KDELR1: variants seen among roughly 807,000 people sequenced by gnomAD.
The protein encoded by KDELR1 is ER lumen protein-retaining receptor 1.
A neutral mutation model predicts 25.5 loss-of-function variants in KDELR1; 16 were observed. The observed-to-expected ratio is 0.63, with a 90% CI of 0.43 to 0.95. The LOEUF (loss-of-function observed/expected upper bound fraction) is 0.95, where lower values mean the gene tolerates loss of function less well. Among genes scored for constraint, KDELR1 ranks in the 40% least tolerant of loss-of-function variants. The pLI is 0.00. For missense variants in KDELR1, 159 were observed against 265.2 expected, an observed-to-expected ratio of 0.60 and a Z score of 2.78; for synonymous variants, 121 against 115.0, an observed-to-expected ratio of 1.05 and a Z score of -0.33.
chr19:48,384,111 C>A lies in KDELR1; in HGVS notation c.604+119G>T, dbSNP rs997279758. The A allele has an allele frequency of 3.8e-6, 5 of 1,307,442 alleles. No individual in the cohort carries two copies. Among genetic ancestry groups the A allele is most frequent in the Non-Finnish European group, 5.3e-6 (5 of 949,246 alleles). The allele number at this position is 1,307,442 out of a possible 1,614,324, so 81.0% of individuals were successfully genotyped here. A position where few individuals can be genotyped will look rare whatever the true frequency, so the allele number is the denominator to read the frequency against. Reference sequence around the variant, plus strand: ...ATGGTAGGCCTGCCACCCCAGAAACCCGGCGAAGAAATGCTCCCTTCTTTG... The same window carrying A: ...ATGGTAGGCCTGCCACCCCAGAAACACGGCGAAGAAATGCTCCCTTCTTTG... On this transcript the variant is annotated intron_variant, in intron 4 of 4. Transcript: ENST00000330720. The surrounding 1 kb of genome is among the most constrained non-coding windows in gnomAD (Gnocchi z 4.6).
chr19:48,396,386 C>T (rs1251022653), upstream of KDELR1, among the ~76,000 whole-genome samples: 1 of 151,986 alleles, frequency 6.6e-6, no homozygotes, highest in Non-Finnish European at 1.5e-5. Context: ...CCCTCCTGGG[C>T]CTCAGTAGGG....
At chr19:48,392,120 T>C (rs935287934), upstream of KDELR1, among the ~76,000 whole-genome samples, 7 of 73,816 alleles carry the variant, frequency 9.5e-5, no homozygotes, top group Non-Finnish European at 1.6e-4. Flanking sequence ...TCCTCCTCGC[T>C]CAGACCCAGG....
At chr19:48,394,308 G>A (rs1970605489), upstream of KDELR1, among the ~76,000 whole-genome samples, 1 of 151,252 alleles carries the variant, frequency 6.6e-6, no homozygotes, top group Non-Finnish European at 1.5e-5. The surrounding 1 kb of genome is among the most constrained non-coding windows in gnomAD (Gnocchi z 5.1). Context: ...TTGAGAGTGG[G>A]GGAGTCAAGG....
In KDELR1 at chr19:48,383,414, C is replaced by T. The variant is rs180986044; in HGVS notation, c.605-87G>A. On this transcript the variant is annotated intron_variant, in intron 4 of 4. Coordinates refer to ENST00000330720, the MANE Select transcript of KDELR1 (RefSeq NM_006801.3). ...TCCCACAGCCAGAGCAGGGCAGGCACGCTAGATGGGCAGATCCACAGGGAG... is the reference window on the plus strand; with the variant it reads ...TCCCACAGCCAGAGCAGGGCAGGCATGCTAGATGGGCAGATCCACAGGGAG... 427 of 1,218,656 alleles carry T rather than the reference C, an allele frequency of 3.5e-4. 1 individual carries two copies. The East Asian group carries it at 8.8e-3, about 25-fold the overall frequency. 75.5% of individuals were successfully genotyped at this position (1,218,656 alleles called of 1,614,324 possible). A position where few individuals can be genotyped will look rare whatever the true frequency, so the allele number is the denominator to read the frequency against.
At position 48,388,962 on chromosome 19, in the gene KDELR1, A is replaced by G. The variant is rs186355068; in HGVS notation, c.351+591T>C. ...AAAGAAAGAAAAAAGAAACTAGCAG[A>G]TTTGGAATTCAAATTCAAGAAGGCT... On this transcript the variant is annotated intron_variant, in intron 3 of 4. Coordinates refer to ENST00000330720, the MANE Select transcript of KDELR1 (RefSeq NM_006801.3). 5.5e-4 allele frequency among the ~76,000 whole-genome samples: 83 copies of G among 152,026 alleles called. 1 individual carries two copies. Among genetic ancestry groups the G allele is most frequent in the African/African-American group, 2.0e-3 (82 of 41,488 alleles).
At chr19:48,388,896 GAAGA>G (rs1970518340) in intron 3 of KDELR1, among the ~76,000 whole-genome samples, 1 of 123,992 alleles carries the variant, frequency 8.1e-6, no homozygotes. Flanking sequence ...AGAAAGGAAG[GAAGA>G]AAGGAAGAAA....
intron 4 of KDELR1, among the ~76,000 whole-genome samples, chr19:48,383,734 G>A (rs577933263): frequency 9.2e-5 from 14 of 151,952 alleles, no homozygotes; most frequent in South Asian, 2.1e-4. Context: ...GGAACTCCTA[G>A]GCTTAAGAAA....
chr19:48,385,540 C>G (rs275849), intron 3 of KDELR1, among the ~76,000 whole-genome samples: 41,058 of 152,156 alleles, frequency 0.27, 6,900 homozygotes, highest in African/African-American at 0.46. Flanking sequence ...TTAGGGAGCA[C>G]TGACAACCAT....
At chr19:48,394,787 G>A (rs956673437), upstream of KDELR1, 2 of 155,628 alleles carry the variant, frequency 1.3e-5, no homozygotes, top group Non-Finnish European at 1.4e-5. This position sits in a 1 kb window ranked among gnomAD's most constrained non-coding sequence, Gnocchi z 5.1. Context: ...CCGGGCTGCC[G>A]CTGCTGCCGC....
Position 48,391,512 on chromosome 19 carries a change from A to T in KDELR1, c.-154T>A. On this transcript the variant is annotated 5_prime_UTR_variant, in exon 1 of 5. Coordinates refer to ENST00000330720, the MANE Select transcript of KDELR1 (RefSeq NM_006801.3). The stretch of plus-strand genomic sequence containing the variant: ...CCGGGGAGGGGACTTTGGGAGGGGG[A>T]GCAAAGGCTGGAGCTGGCGGCGGAG... The T allele has an allele frequency of 1.6e-6, 1 of 621,786 alleles. No homozygotes were observed. The highest frequency in any genetic ancestry group is 2.8e-6 in the Non-Finnish European group (1 of 351,886). The allele number at this position is 621,786 out of a possible 1,614,324, so 38.5% of individuals were successfully genotyped here. A position where few individuals can be genotyped will look rare whatever the true frequency, so the allele number is the denominator to read the frequency against.
intron 3 of KDELR1, among the ~76,000 whole-genome samples, chr19:48,385,961 C>T (rs1970492800): frequency 6.6e-6 from 1 of 152,136 alleles, no homozygotes; most frequent in South Asian, 2.1e-4. Flanking sequence ...CAGAATCATC[C>T]AGAATCCTCC....
rs1288531843 is a variant in KDELR1, at chr19:48,384,759, G to C, written c.352-277C>G. Among the ~76,000 whole-genome samples, 1 of 152,180 alleles carries C rather than the reference G, an allele frequency of 6.6e-6. No individual in the cohort carries two copies. The highest frequency in any genetic ancestry group is 2.4e-5 in the African/African-American group (1 of 41,442). On this transcript the variant is annotated intron_variant, in intron 3 of 4. Coordinates refer to ENST00000330720, the MANE Select transcript of KDELR1 (RefSeq NM_006801.3). This position sits in a 1 kb window ranked among gnomAD's most constrained non-coding sequence, Gnocchi z 4.6. ...ATACTCGCCCAAGACCATGTAGCCAGCAAGCAGCAGAGCAATGATTCGAAC... is the reference window on the plus strand; with the variant it reads ...ATACTCGCCCAAGACCATGTAGCCACCAAGCAGCAGAGCAATGATTCGAAC...
Position 48,383,240 on chromosome 19 carries a change from C to G in KDELR1, c.*53G>C. The G allele has an allele frequency of 6.5e-7, 1 of 1,537,008 alleles. No individual in the cohort carries two copies. On this transcript the variant is annotated 3_prime_UTR_variant, in exon 5 of 5. Transcript: ENST00000330720. ...GATGGGAAAGCTCTTCATCTTCTGC[C>G]GCCTTCCTCTGCCTCCCGCTGCTGC... is the stretch of plus-strand genomic sequence containing the variant.
chr19:48,395,755 G>T (rs180949640), upstream of KDELR1, among the ~76,000 whole-genome samples: 16 of 152,226 alleles, frequency 1.1e-4, no homozygotes, highest in Admixed American at 9.2e-4. Context: ...CACCCAGGAT[G>T]TTGGGAAGGA....
upstream of KDELR1, among the ~76,000 whole-genome samples, chr19:48,394,435 T>C (rs912033305): frequency 8.7e-6 from 1 of 115,058 alleles, no homozygotes. This position sits in a 1 kb window ranked among gnomAD's most constrained non-coding sequence, Gnocchi z 5.1. Context: ...GACAGACAGA[T>C]AGACACAGAC....
intron 2 of KDELR1, among the ~76,000 whole-genome samples, chr19:48,389,982 C>T (rs1179031228): frequency 7.4e-6 from 1 of 134,266 alleles, no homozygotes; most frequent in Non-Finnish European, 1.6e-5. Flanking sequence ...CCTCCTCCCT[C>T]AGACCCTGGA....
At chr19:48,389,835 A>AAG (rs1970527573) in intron 2 of KDELR1, 124 bp from the exon 3 acceptor site, 1 of 1,007,574 alleles carries the variant, frequency 9.9e-7, no homozygotes, top group African/African-American at 1.7e-5. Context: ...CTCCTCCCTC[A>AAG]GACCCAGGAG....
chr19:48,396,762 G>A, the KDELR1 span, among the ~76,000 whole-genome samples: 1 of 152,022 alleles, frequency 6.6e-6, no homozygotes, highest in Non-Finnish European at 1.5e-5. Flanking sequence ...GGGGAGGGGT[G>A]GTGGACCTTT....
rs1970464163 is a variant in KDELR1 at position 48,382,595 on chromosome 19, T to G, written c.*698A>C. The G allele has an allele frequency of 6.5e-6, 1 of 152,738 alleles. No homozygotes were observed. Among genetic ancestry groups the G allele is most frequent in the Admixed American group, 6.5e-5 (1 of 15,276 alleles). The allele number at this position is 152,738 out of a possible 1,614,324, so 9.5% of individuals were successfully genotyped here. A position where few individuals can be genotyped will look rare whatever the true frequency, so the allele number is the denominator to read the frequency against. ...AAAGGTTTCATTTTCTTCTGTTTAT[T>G]TCAAGAGAACAAAGATTCAACCATC... is the stretch of plus-strand genomic sequence containing the variant. On this transcript the variant is annotated 3_prime_UTR_variant, in exon 5 of 5. Transcript: ENST00000330720.
Sources: gnomAD v4.1 joint callset for allele counts (sites outside exome capture counted in the v4.1 genomes callset) on GRCh38, gnomAD v4.1.1 for gene constraint, Gnocchi (gnomAD v3.1) non-coding constraint, MANE v1.5 for transcripts, NCBI Gene and HGNC (gene_info 2026-07-23, HGNC 2026-07-21) for gene names.